NELL2: variants seen among roughly 807,000 people sequenced by gnomAD.
NELL2 encodes the protein neural EGFL like 2.
A neutral mutation model predicts 109.6 loss-of-function variants in NELL2; 41 were observed. The observed-to-expected ratio is 0.37, with a 90% CI of 0.29 to 0.49. The LOEUF (loss-of-function observed/expected upper bound fraction) is 0.49, where lower values mean the gene tolerates loss of function less well. Ranked by LOEUF, NELL2 falls within the 20% of genes least tolerant of loss-of-function variation. The pLI, the probability that NELL2 is intolerant of heterozygous loss-of-function variation, is 0.98. For synonymous variants in NELL2, 355 were observed against 344.7 expected (o/e 1.03, Z -0.33); for missense variants, 900 against 1,008.3 (o/e 0.89, Z 1.45).
chr12:44,823,345 TATC>T (rs796235886), intron 2 of NELL2, among the ~76,000 whole-genome samples: 127 of 152,286 alleles, frequency 8.3e-4, no homozygotes, highest in African/African-American at 3.0e-3. Flanking sequence ...TTCCAGAACT[TATC>T]ATCTGCATAA....
rs886701058 is a variant in NELL2 at position 44,730,015 on chromosome 12, CT to C, written c.995-15275del. 3.3e-5 allele frequency among the ~76,000 whole-genome samples: 5 copies of C among 152,072 alleles called. No individual in the cohort carries two copies. In the East Asian group the frequency reaches 9.7e-4, roughly 29 times the overall value. On this transcript the variant is annotated intron_variant, in intron 9 of 19. Transcript: ENST00000429094. Reference sequence around the variant, plus strand: ...TGGCCAGGCTATGACACAAAATGTACTTTAAATTCATAACTGTCAAATAAGA... The same window carrying C: ...TGGCCAGGCTATGACACAAAATGTACTTAAATTCATAACTGTCAAATAAGA...
intron 9 of NELL2, among the ~76,000 whole-genome samples, chr12:44,743,252 G>T (rs545829464): frequency 1.3e-5 from 2 of 152,288 alleles, no homozygotes; most frequent in African/African-American, 2.4e-5. Flanking sequence ...AGCAAATGCT[G>T]AGAGATTTTG....
rs534205502 is a variant in NELL2, at chr12:44,571,747, A to G, written c.1663+35422T>C. The stretch of plus-strand genomic sequence containing the variant: ...GAAGTTGTTACCCTTAGACATAGAT[A>G]TTTTTTCTTGGGGTCCCATGACGAT... On this transcript the variant is annotated intron_variant, in intron 15 of 19. Transcript: ENST00000429094. 2.9e-4 allele frequency among the ~76,000 whole-genome samples: 44 copies of G among 152,332 alleles called. No individual in the cohort carries two copies. In the South Asian group the frequency reaches 3.5e-3, roughly 12 times the overall value.
At chr12:44,619,575 G>C (rs985452928) in intron 13 of NELL2, among the ~76,000 whole-genome samples, 1 of 151,974 alleles carries the variant, frequency 6.6e-6, no homozygotes, top group African/African-American at 2.4e-5. Context: ...GTTGAGACAG[G>C]AGTCTGTGCA....
chr12:44,744,338 A>G lies in NELL2; in HGVS notation c.995-29597T>C, dbSNP rs1457820439. Among the ~76,000 whole-genome samples the G allele has an allele frequency of 3.9e-5, 6 of 152,350 alleles. No homozygotes were observed. The South Asian group carries it at 1.0e-3, about 26-fold the overall frequency. The stretch of plus-strand genomic sequence containing the variant: ...AAATTTATAACACTAAATGCCCACA[A>G]GAGAAAGCAGGAAAGATCTAAAATT... On this transcript the variant is annotated intron_variant, in intron 9 of 19. Coordinates refer to ENST00000429094, the MANE Select transcript of NELL2 (RefSeq NM_001145108.2).
Position 44,888,023 on chromosome 12 carries a change from G to C in NELL2, c.39-12123C>G, listed in dbSNP as rs922638464. Among the ~76,000 whole-genome samples the C allele has an allele frequency of 1.4e-4, 22 of 152,062 alleles. No homozygotes were observed. The East Asian group carries it at 4.1e-3, about 28-fold the overall frequency. On this transcript the variant is annotated intron_variant, in intron 1 of 20. Coordinates refer to the NELL2 transcript ENST00000333837. ...ATGATTTGATTTTTGTGTATGGTGA[G>C]AGATAGCAGACTAGTTTCAATCTTC...
intron 12 of NELL2, among the ~76,000 whole-genome samples, chr12:44,665,852 T>C (rs894511214): frequency 3.3e-5 from 5 of 152,170 alleles, no homozygotes; most frequent in Non-Finnish European, 7.4e-5. Context: ...CATCTAAATA[T>C]CTTTTGAAAT....
At chr12:44,579,004 A>G (rs1944222101) in intron 15 of NELL2, among the ~76,000 whole-genome samples, 3 of 152,098 alleles carry the variant, frequency 2.0e-5, no homozygotes, top group Non-Finnish European at 4.4e-5. Flanking sequence ...ACTTTATTCA[A>G]TTCAGGTTTG....
At chr12:44,643,459 G>C (rs975580902) in intron 13 of NELL2, among the ~76,000 whole-genome samples, 5 of 151,960 alleles carry the variant, frequency 3.3e-5, no homozygotes. Flanking sequence ...AGAATAAAAA[G>C]TTATGTCTAA....
intron 9 of NELL2, among the ~76,000 whole-genome samples, chr12:44,717,197 G>C (rs1035183672): frequency 2.6e-5 from 4 of 152,032 alleles, no homozygotes; most frequent in African/African-American, 9.7e-5. Flanking sequence ...AGACTCTTTA[G>C]AGGAGAAATG....
intron 13 of NELL2, among the ~76,000 whole-genome samples, chr12:44,628,758 A>G (rs1946353876): frequency 1.3e-5 from 2 of 152,104 alleles, no homozygotes; most frequent in African/African-American, 4.8e-5. Context: ...CACCCGCCAG[A>G]TGGTAGACAA....
At chr12:44,644,589 T>TATATATATATAC (rs1566077077) in intron 13 of NELL2, among the ~76,000 whole-genome samples, 3 of 99,794 alleles carry the variant, frequency 3.0e-5, no homozygotes, top group African/African-American at 4.6e-5. Context: ...AGTATATATA[T>TATATATATATAC]ATATATATAT....
chr12:44,526,610 G>C (rs1941785467), intron 16 of NELL2, among the ~76,000 whole-genome samples: 1 of 152,182 alleles, frequency 6.6e-6, no homozygotes, highest in Admixed American at 6.5e-5. Flanking sequence ...AGACAACAGA[G>C]AGAATTAACA....
chr12:44,601,382 T>G (rs1013171713), intron 15 of NELL2, among the ~76,000 whole-genome samples: 8 of 152,164 alleles, frequency 5.3e-5, no homozygotes, highest in African/African-American at 1.9e-4. Context: ...AATATAAAGA[T>G]TTATATTTTC....
chr12:44,759,366 C>A (rs1191088058), intron 9 of NELL2, among the ~76,000 whole-genome samples: 1 of 152,104 alleles, frequency 6.6e-6, no homozygotes, highest in African/African-American at 2.4e-5. Context: ...TGAATTCCTG[C>A]CTAGGAGTAA....
intron 9 of NELL2, among the ~76,000 whole-genome samples, chr12:44,769,737 T>G (rs945886927): frequency 6.6e-6 from 1 of 152,120 alleles, no homozygotes; most frequent in African/African-American, 2.4e-5. Flanking sequence ...ATAGACTGAA[T>G]TGTGGTACAT....
chr12:44,884,090 T>C (rs1945444603), intron 1 of NELL2, among the ~76,000 whole-genome samples: 1 of 151,634 alleles, frequency 6.6e-6, no homozygotes, highest in African/African-American at 2.4e-5. Context: ...CTACTTCAAA[T>C]ATAATGAGGT....
At chr12:44,916,508 T>C (rs932491268), upstream of NELL2, among the ~76,000 whole-genome samples, 1 of 152,218 alleles carries the variant, frequency 6.6e-6, no homozygotes, top group Non-Finnish European at 1.5e-5. Flanking sequence ...TGGAAATTAA[T>C]ATTAAATAGG....
chr12:44,754,021 A>G (rs1222859497), intron 9 of NELL2, among the ~76,000 whole-genome samples: 1 of 152,250 alleles, frequency 6.6e-6, no homozygotes, highest in Non-Finnish European at 1.5e-5. Flanking sequence ...ATTCCATACT[A>G]TAAGCAAAGA....
Sources: gnomAD v4.1 joint callset for allele counts (sites outside exome capture counted in the v4.1 genomes callset) on GRCh38, gnomAD v4.1.1 for gene constraint, MANE v1.5 for transcripts, NCBI Gene and HGNC (gene_info 2026-07-23, HGNC 2026-07-21) for gene names.